The following CDK12 variants were observed in gnomAD, a reference collection of about 807,000 sequenced individuals.
CDK12 encodes cyclin dependent kinase 12, also known as cyclin-dependent kinase 12.
A neutral mutation model predicts 133.8 loss-of-function variants in CDK12; 17 were observed. That is an observed-to-expected ratio of 0.13 (90% confidence interval 0.09 to 0.19). The LOEUF (loss-of-function observed/expected upper bound fraction) is 0.19. CDK12 is among the 10% of genes least tolerant of loss of function. The probability of loss-of-function intolerance (pLI) is 1.00; values close to 1 mark genes in which losing one functional copy is unlikely to be tolerated. For synonymous variants in CDK12, 694 were observed against 683.6 expected (o/e 1.02, Z -0.24); for missense variants, 1,508 against 1,818.7 (o/e 0.83, Z 3.11).
intron 6 of CDK12, among the ~76,000 whole-genome samples, chr17:39,506,906 T>G (rs1363671196): frequency 6.6e-6 from 1 of 152,116 alleles, no homozygotes. Context: ...ATTTTATATT[T>G]TATTTTTTGA....
intron 11 of CDK12, among the ~76,000 whole-genome samples, chr17:39,523,886 C>T (rs1429239202): frequency 6.6e-6 from 1 of 152,156 alleles, no homozygotes; most frequent in Non-Finnish European, 1.5e-5. Flanking sequence ...CTCCTGACCT[C>T]ATGATCCGCC....
intron 11 of CDK12, among the ~76,000 whole-genome samples, chr17:39,523,212 G>A (rs1445405850): frequency 6.6e-6 from 1 of 151,482 alleles, no homozygotes; most frequent in East Asian, 2.0e-4. Flanking sequence ...GGTGGCTCAT[G>A]CCTGTAATCC....
chr17:39,506,504 C>T (rs768343977), intron 6 of CDK12, among the ~76,000 whole-genome samples: 1 of 152,090 alleles, frequency 6.6e-6, no homozygotes, highest in Non-Finnish European at 1.5e-5. Context: ...ACGCGAGCCA[C>T]CACGCCTGGC....
In CDK12 at chr17:39,530,846, A is replaced by G; in HGVS notation, c.4003A>G (p.Asn1335Asp). 1 of 1,614,216 alleles carries G rather than the reference A, an allele frequency of 6.2e-7. No individual in the cohort carries two copies. The highest frequency in any genetic ancestry group is 8.5e-7 in the Non-Finnish European group (1 of 1,180,046). ...PMEYSTRPRP[N>D]RTYGNTDGPE... ...GGAGTACTCCACCCGACCCCGTCCAAACAGGACTTATGGAAACACTGATGG... is the reference window on the plus strand; with the variant it reads ...GGAGTACTCCACCCGACCCCGTCCAGACAGGACTTATGGAAACACTGATGG... Residue 1335 changes from asparagine to aspartate, a missense_variant, in exon 14 of 14, where the codon AAC (asparagine) becomes GAC (aspartate). Asn to Asp is a conservative substitution (Grantham distance 23). Transcript: ENST00000447079.
Position 39,533,061 on chromosome 17 carries a change from A to T in CDK12, c.*1745A>T, listed in dbSNP as rs2054956616. The T allele has an allele frequency of 4.7e-6, 1 of 214,688 alleles. No homozygotes were observed. The highest frequency in any genetic ancestry group is 9.1e-6 in the Non-Finnish European group (1 of 110,390). The allele number at this position is 214,688 out of a possible 1,614,324, so 13.3% of individuals were successfully genotyped here. On this transcript the variant is annotated 3_prime_UTR_variant, in exon 14 of 14. Transcript: ENST00000447079. ...AAAAATAAAATCTACTTATAAGAGAAAGGTGCATTACTTAAAAAAAAAAAA... is the reference window on the plus strand; with the variant it reads ...AAAAATAAAATCTACTTATAAGAGATAGGTGCATTACTTAAAAAAAAAAAA...
chr17:39,501,263 T>A lies in CDK12; in HGVS notation c.2433T>A (p.Leu811=). ...GTCTTTATGTAGGTGCCTTTTACCT[T>A]GTATTTGAGTATATGGACCATGACT... The part of the protein sequence containing the change: ...DFKKDKGAFY[L]VFEYMDHDLM... Residue 811 remains leucine, a synonymous_variant, in exon 6 of 14, where the codon CTT becomes CTA. Coordinates refer to ENST00000447079, the MANE Select transcript of CDK12 (RefSeq NM_016507.4). The A allele has an allele frequency of 6.4e-7, 1 of 1,565,438 alleles. No individual in the cohort carries two copies. The highest frequency in any genetic ancestry group is 8.6e-7 in the Non-Finnish European group (1 of 1,162,754).
At chr17:39,558,386 G>A (rs1018937039) in intron 3 of CDK12, among the ~76,000 whole-genome samples, 4 of 152,174 alleles carry the variant, frequency 2.6e-5, no homozygotes, top group Non-Finnish European at 5.9e-5. Flanking sequence ...TTTACAGTTC[G>A]TTAATTACAT....
intron 3 of CDK12, among the ~76,000 whole-genome samples, chr17:39,563,800 G>A (rs1358717830): frequency 6.7e-6 from 1 of 149,660 alleles, no homozygotes; most frequent in Non-Finnish European, 1.5e-5. Flanking sequence ...AGGAAGGGGG[G>A]AGAGAAGGGG....
intron 2 of CDK12, among the ~76,000 whole-genome samples, chr17:39,481,294 A>G (rs1180229994): frequency 2.0e-5 from 3 of 149,770 alleles, no homozygotes; most frequent in Non-Finnish European, 4.4e-5. Flanking sequence ...TCAGTTAACC[A>G]TATAGAATTT....
At chr17:39,537,565 A>ATTTG (rs1567801101), downstream of CDK12, among the ~76,000 whole-genome samples, 3 of 147,926 alleles carry the variant, frequency 2.0e-5, no homozygotes, top group African/African-American at 7.7e-5. Flanking sequence ...TTATTTATTT[A>ATTTG]TTTATTTATT....
At chr17:39,466,599 G>T (rs2049327024) in intron 1 of CDK12, among the ~76,000 whole-genome samples, 1 of 90,042 alleles carries the variant, frequency 1.1e-5, no homozygotes, top group Non-Finnish European at 2.0e-5. Flanking sequence ...TGGGCAACAA[G>T]AGTGAAACTC....
At chr17:39,465,010 G>A (rs944843740) in intron 1 of CDK12, among the ~76,000 whole-genome samples, 5 of 152,018 alleles carry the variant, frequency 3.3e-5, no homozygotes, top group African/African-American at 9.6e-5. Flanking sequence ...CACTTTGGGA[G>A]GCCGAGGTGG....
chr17:39,545,786 T>TTTCC (rs929132660), upstream of CDK12, among the ~76,000 whole-genome samples: 4 of 145,836 alleles, frequency 2.7e-5, no homozygotes, highest in East Asian at 4.2e-4. Flanking sequence ...AGGATTTTTT[T>TTTCC]TTCCTTCCTT....
chr17:39,514,286 C>G (rs1201871252), intron 8 of CDK12, among the ~76,000 whole-genome samples: 2 of 152,030 alleles, frequency 1.3e-5, no homozygotes, highest in Non-Finnish European at 2.9e-5. Context: ...TAACATAATT[C>G]GTTTAAAGGT....
intron 11 of CDK12, among the ~76,000 whole-genome samples, chr17:39,522,202 C>T (rs893208505): frequency 1.3e-5 from 2 of 151,952 alleles, no homozygotes; most frequent in African/African-American, 4.8e-5. Flanking sequence ...CGTTTCCTGC[C>T]TCAGCCTCCC....
At chr17:39,510,083 T>A (rs1291175629) in intron 7 of CDK12, among the ~76,000 whole-genome samples, 1 of 150,988 alleles carries the variant, frequency 6.6e-6, no homozygotes, top group Non-Finnish European at 1.5e-5. Context: ...ATTACAGACA[T>A]GAGCCACCGC....
At chr17:39,522,423 G>T (rs1567777232) in intron 11 of CDK12, among the ~76,000 whole-genome samples, 7 of 150,722 alleles carry the variant, frequency 4.6e-5, no homozygotes, top group Non-Finnish European at 1.0e-4. Flanking sequence ...ATCACTGCCA[G>T]TTTTTTTTGT....
chr17:39,500,633 TA>T (rs986077822), intron 5 of CDK12, among the ~76,000 whole-genome samples: 1 of 151,610 alleles, frequency 6.6e-6, no homozygotes, highest in African/African-American at 2.4e-5. Context: ...AGTCTGTCTT[TA>T]AAAAAAAGCC....
chr17:39,484,132 C>T (rs1052495937), intron 2 of CDK12, among the ~76,000 whole-genome samples: 4 of 152,160 alleles, frequency 2.6e-5, no homozygotes, highest in African/African-American at 9.7e-5. Flanking sequence ...GCCGTAGTCA[C>T]CATTCCTGGT....
Sources: gnomAD v4.1 joint callset for allele counts (sites outside exome capture counted in the v4.1 genomes callset) on GRCh38, gnomAD v4.1.1 for gene constraint, MANE v1.5 for transcripts, NCBI Gene and HGNC (gene_info 2026-07-23, HGNC 2026-07-21) for gene names.